GRM5: variants seen among roughly 807,000 people sequenced by gnomAD.
GRM5 encodes metabotropic glutamate receptor 5.
A neutral mutation model predicts 83.1 loss-of-function variants in GRM5; 19 were observed. That is an observed-to-expected ratio of 0.23 (90% CI 0.16 to 0.34). The LOEUF (loss-of-function observed/expected upper bound fraction) is 0.34, where lower values mean the gene tolerates loss of function less well. Among genes scored for constraint, GRM5 ranks in the 10% least tolerant of loss-of-function variants. GRM5 has a pLI of 1.00. For synonymous variants in GRM5, 675 were observed against 633.6 expected (o/e 1.07, Z -0.98); for missense variants, 1,160 against 1,588.3 (o/e 0.73, Z 4.58).
At chr11:88,554,293 C>T (rs992278880) in intron 8 of GRM5, among the ~76,000 whole-genome samples, 7 of 152,136 alleles carry the variant, frequency 4.6e-5, no homozygotes, top group African/African-American at 1.7e-4. Flanking sequence ...CCCCGCTTCC[C>T]TCTTGTAATA....
intron 3 of GRM5, among the ~76,000 whole-genome samples, chr11:88,656,780 A>T (rs1262876655): frequency 1.3e-5 from 2 of 152,154 alleles, no homozygotes; most frequent in Non-Finnish European, 2.9e-5. Context: ...ATTTGGAAAA[A>T]TAATAATACA....
chr11:88,556,314 C>CTTTTCT lies in GRM5; in HGVS notation c.2630+10733_2630+10738dup, dbSNP rs148938252. Among the ~76,000 whole-genome samples, 443 of 144,222 alleles carry CTTTTCT rather than the reference C, an allele frequency of 3.1e-3. 18 individuals are homozygous for CTTTTCT. Among genetic ancestry groups the CTTTTCT allele is most frequent in the Middle Eastern group, 0.014 (4 of 276 alleles). 94.6% of individuals were successfully genotyped at this position (144,222 alleles called of 152,430 possible). Reference sequence around the variant, plus strand: ...ATGGATATGAACTGTGGGACACATTCTTTTCTTTTCTTTTTTTTTTTTTTT... The same window carrying CTTTTCT: ...ATGGATATGAACTGTGGGACACATTCTTTTCTTTTTCTTTTCTTTTTTTTTTTTTTT... On this transcript the variant is annotated intron_variant, in intron 8 of 9. Coordinates refer to ENST00000305447, the MANE Select transcript of GRM5 (RefSeq NM_001143831.3).
chr11:88,985,037 T>A (rs1939657868), intron 2 of GRM5, among the ~76,000 whole-genome samples: 1 of 147,656 alleles, frequency 6.8e-6, no homozygotes, highest in Non-Finnish European at 1.5e-5. Flanking sequence ...AGTCCTTTGA[T>A]ACAGGTACAG....
chr11:88,928,776 A>C (rs1945835507), intron 2 of GRM5, among the ~76,000 whole-genome samples: 1 of 151,954 alleles, frequency 6.6e-6, no homozygotes, highest in Admixed American at 6.6e-5. Context: ...TTAATTTATA[A>C]GTTTCTGTGT....
At chr11:89,049,240 T>C (rs1941707151) in intron 1 of GRM5, among the ~76,000 whole-genome samples, 1 of 152,198 alleles carries the variant, frequency 6.6e-6, no homozygotes, top group Non-Finnish European at 1.5e-5. Flanking sequence ...GGTAGAAATT[T>C]AGTATAGCTA....
At chr11:88,918,892 AAC>A (rs1036596827) in intron 2 of GRM5, among the ~76,000 whole-genome samples, 1 of 151,716 alleles carries the variant, frequency 6.6e-6, no homozygotes, top group South Asian at 2.1e-4. Flanking sequence ...AAAATATAAA[AAC>A]ACACACACAC....
chr11:88,823,627 C>A (rs1424240874), intron 3 of GRM5, among the ~76,000 whole-genome samples: 1 of 152,064 alleles, frequency 6.6e-6, no homozygotes, highest in African/African-American at 2.4e-5. Context: ...TGGCTGATCA[C>A]CCATGTTGAG....
chr11:89,000,361 G>A (rs963247462), intron 2 of GRM5, among the ~76,000 whole-genome samples: 6 of 152,084 alleles, frequency 3.9e-5, no homozygotes, highest in Admixed American at 2.6e-4. Context: ...ACTGGCAGAG[G>A]AACAGACACA....
chr11:88,701,925 T>C (rs1013177565), intron 3 of GRM5, among the ~76,000 whole-genome samples: 1 of 152,090 alleles, frequency 6.6e-6, no homozygotes, highest in Non-Finnish European at 1.5e-5. Context: ...TAATTTGATA[T>C]CTTATTATCA....
intron 4 of GRM5, among the ~76,000 whole-genome samples, chr11:88,649,799 C>T (rs552190506): frequency 1.8e-4 from 28 of 151,682 alleles, no homozygotes; most frequent in African/African-American, 6.8e-4. Context: ...TCTGCGTATA[C>T]AAGAAATACT....
intron 2 of GRM5, among the ~76,000 whole-genome samples, chr11:89,031,280 G>A (rs1442751708): frequency 6.6e-6 from 1 of 151,712 alleles, no homozygotes; most frequent in African/African-American, 2.4e-5. Context: ...TTACAATATT[G>A]CTATTATAAG....
At chr11:88,535,786 G>GTA (rs781650491) in intron 8 of GRM5, among the ~76,000 whole-genome samples, 29 of 152,154 alleles carry the variant, frequency 1.9e-4, no homozygotes, top group Non-Finnish European at 4.1e-4. Context: ...GTGTGTGAGT[G>GTA]TATATATATG....
chr11:89,011,019 G>C (rs1382465064), intron 2 of GRM5, among the ~76,000 whole-genome samples: 1 of 152,200 alleles, frequency 6.6e-6, no homozygotes, highest in Non-Finnish European at 1.5e-5. Context: ...TTTGTAGAGA[G>C]AAATAATATC....
rs746567453 is a variant in GRM5 at position 88,605,044 on chromosome 11, C to T, written c.1148-80G>A. 2.8e-5 allele frequency: 33 copies of T among 1,168,110 alleles called. No individual in the cohort carries two copies. The Admixed American group carries it at 4.2e-4, about 15-fold the overall frequency. 72.4% of individuals were successfully genotyped at this position (1,168,110 alleles called of 1,614,324 possible). Reference sequence around the variant, plus strand: ...TTCCTGGGTACTGAATAATGGGTTACCTGTAATTAGAGAATGCACTGGAGC... The same window carrying T: ...TTCCTGGGTACTGAATAATGGGTTATCTGTAATTAGAGAATGCACTGGAGC... On this transcript the variant is annotated intron_variant, in intron 4 of 9. Coordinates refer to ENST00000305447, the MANE Select transcript of GRM5 (RefSeq NM_001143831.3).
At chr11:88,582,357 T>C (rs1943229037) in intron 7 of GRM5, among the ~76,000 whole-genome samples, 1 of 152,236 alleles carries the variant, frequency 6.6e-6, no homozygotes, top group Admixed American at 6.5e-5. Context: ...TATAATTTAA[T>C]GCAATTATTT....
intron 3 of GRM5, among the ~76,000 whole-genome samples, chr11:88,789,416 G>A (rs564049442): frequency 6.6e-6 from 1 of 152,068 alleles, no homozygotes; most frequent in Admixed American, 6.5e-5. Flanking sequence ...ATTTAAGAAT[G>A]AATTATTTCG....
At chr11:88,845,066 T>C (rs1038988149) in intron 3 of GRM5, among the ~76,000 whole-genome samples, 4 of 152,222 alleles carry the variant, frequency 2.6e-5, no homozygotes, top group African/African-American at 9.7e-5. Context: ...CTGACTCCAA[T>C]TTTAAGAGCA....
chr11:88,875,613 C>T (rs1269000036), intron 2 of GRM5, among the ~76,000 whole-genome samples: 2 of 152,042 alleles, frequency 1.3e-5, no homozygotes, highest in Non-Finnish European at 2.9e-5. Flanking sequence ...TGAAGAATCA[C>T]AATCTGTGGC....
intron 4 of GRM5, among the ~76,000 whole-genome samples, chr11:88,610,509 G>T (rs1938283732): frequency 1.3e-5 from 2 of 152,010 alleles, no homozygotes; most frequent in Admixed American, 6.6e-5. Flanking sequence ...TCTTGATTTT[G>T]CTCTGAGCTT....
Sources: allele counts gnomAD v4.1 joint callset (sites outside exome capture counted in the v4.1 genomes callset), GRCh38; gene constraint gnomAD v4.1.1; transcripts MANE v1.5; gene names NCBI Gene and HGNC (gene_info 2026-07-23, HGNC 2026-07-21).